The following TENM2 variants were observed in gnomAD, a reference collection of about 807,000 sequenced individuals.
TENM2 encodes teneurin transmembrane protein 2, also known as teneurin-2.
TENM2 carries 52 observed loss-of-function variants against 245.2 expected under a neutral mutation model. That is an observed-to-expected ratio of 0.21 (90% confidence interval 0.17 to 0.27). The LOEUF (loss-of-function observed/expected upper bound fraction) is 0.27, where lower values mean the gene tolerates loss of function less well. Among genes scored for constraint, TENM2 ranks in the 10% least tolerant of loss-of-function variants. The pLI is 1.00. For missense variants in TENM2, 3,046 were observed against 3,666.8 expected, an observed-to-expected ratio of 0.83 and a Z score of 4.37; for synonymous variants, 1,363 against 1,438.9, an observed-to-expected ratio of 0.95 and a Z score of 1.19.
intron 2 of TENM2, among the ~76,000 whole-genome samples, chr5:167,487,360 A>C (rs1768140506): frequency 6.6e-6 from 1 of 151,946 alleles, no homozygotes; most frequent in Non-Finnish European, 1.5e-5. Flanking sequence ...TGTGTATATG[A>C]GTGAGTATGT....
At chr5:167,450,757 C>G (rs1280392401) in intron 2 of TENM2, among the ~76,000 whole-genome samples, 1 of 152,134 alleles carries the variant, frequency 6.6e-6, no homozygotes, top group Admixed American at 6.5e-5. Context: ...CAACTTTCCC[C>G]TCATTCTCAG....
chr5:167,626,580 A>T (rs1778516384), intron 2 of TENM2, among the ~76,000 whole-genome samples: 1 of 152,208 alleles, frequency 6.6e-6, no homozygotes, highest in African/African-American at 2.4e-5. Flanking sequence ...GCCCAGATGT[A>T]CTCAATCATG....
At chr5:167,180,643 C>T in the TENM2 span, among the ~76,000 whole-genome samples, 4 of 152,152 alleles carry the variant, frequency 2.6e-5, no homozygotes, top group African/African-American at 7.2e-5. Flanking sequence ...TGACTGGTAA[C>T]ATCAGTAGTC....
the TENM2 span, among the ~76,000 whole-genome samples, chr5:167,014,031 A>C: frequency 6.6e-6 from 1 of 152,170 alleles, no homozygotes; most frequent in Non-Finnish European, 1.5e-5. Context: ...CACCTAAATG[A>C]ATCAGGATTG....
the TENM2 span, among the ~76,000 whole-genome samples, chr5:167,191,155 T>G: frequency 6.6e-6 from 1 of 152,032 alleles, no homozygotes; most frequent in African/African-American, 2.4e-5. Context: ...TTCAACAAGT[T>G]AATATTATAC....
intron 2 of TENM2, among the ~76,000 whole-genome samples, chr5:167,435,152 A>AT (rs1174719591): frequency 6.9e-6 from 1 of 144,364 alleles, no homozygotes; most frequent in East Asian, 1.9e-4. Flanking sequence ...CAGTAGTTTC[A>AT]TGGGGGGGAA....
intron 4 of TENM2, among the ~76,000 whole-genome samples, chr5:167,989,290 GAGAGAGAGAGAT>G (rs1181949822): frequency 6.6e-6 from 1 of 151,266 alleles, no homozygotes; most frequent in African/African-American, 2.5e-5. Flanking sequence ...GAGAGAGAGA[GAGAGAGAGAGAT>G]AGATAGATTT....
At chr5:167,380,400 G>A (rs985078991) in intron 2 of TENM2, among the ~76,000 whole-genome samples, 8 of 152,110 alleles carry the variant, frequency 5.3e-5, no homozygotes, top group African/African-American at 7.2e-5. Flanking sequence ...AGAGGTTTAC[G>A]TTTTTGGCAA....
chr5:167,507,761 T>C (rs1426742905), intron 2 of TENM2, among the ~76,000 whole-genome samples: 1 of 152,182 alleles, frequency 6.6e-6, no homozygotes, highest in Non-Finnish European at 1.5e-5. Flanking sequence ...AGTATAGTGA[T>C]TTGCCAATAA....
chr5:167,438,641 T>C (rs924065293), intron 2 of TENM2, among the ~76,000 whole-genome samples: 4 of 152,096 alleles, frequency 2.6e-5, no homozygotes, highest in African/African-American at 9.7e-5. Context: ...TCGTGATTCG[T>C]CCGCCTTGGC....
chr5:167,275,549 A>G, the TENM2 span, among the ~76,000 whole-genome samples: 1 of 152,054 alleles, frequency 6.6e-6, no homozygotes, highest in African/African-American at 2.4e-5. Context: ...AGTGTTGGGT[A>G]GTTTGCACCA....
exon 29 of TENM2, chr5:168,262,800 G>T (rs757197277): frequency 1.9e-6 from 3 of 1,599,508 alleles, no homozygotes; most frequent in Non-Finnish European, 2.6e-6. Flanking sequence ...AATGAGATGG[G>T]AAAGAGGTAA....
At chr5:167,931,884 C>T (rs557555316) in intron 3 of TENM2, among the ~76,000 whole-genome samples, 3 of 152,328 alleles carry the variant, frequency 2.0e-5, no homozygotes, top group Non-Finnish European at 2.9e-5. Context: ...ATGAAATCTG[C>T]ATCCCCTCAC....
chr5:167,754,864 G>A (rs1762194263), intron 2 of TENM2: 1 of 610,692 alleles, frequency 1.6e-6, no homozygotes, highest in Non-Finnish European at 2.5e-6. Context: ...AATTCCTCAG[G>A]AACCTCATGC....
At chr5:167,993,111 G>A (rs770309360) in exon 5 of TENM2, 1 of 1,614,046 alleles carries the variant, frequency 6.2e-7, no homozygotes, top group South Asian at 1.1e-5. Context: ...AAATACTGCA[G>A]CTGGAAATGT....
chr5:167,005,587 C>T, the TENM2 span, among the ~76,000 whole-genome samples: 1 of 150,044 alleles, frequency 6.7e-6, no homozygotes, highest in Admixed American at 6.7e-5. Flanking sequence ...AAGGAATCTT[C>T]ACTCATTTTT....
At chr5:167,727,391 C>T (rs946175976) in intron 2 of TENM2, among the ~76,000 whole-genome samples, 6 of 152,166 alleles carry the variant, frequency 3.9e-5, no homozygotes, top group East Asian at 3.9e-4. Context: ...GGATTACAGG[C>T]GTGAGCCACC....
intron 2 of TENM2, among the ~76,000 whole-genome samples, chr5:167,809,797 A>T (rs927686226): frequency 2.0e-5 from 3 of 152,118 alleles, no homozygotes; most frequent in African/African-American, 7.2e-5. Context: ...TGCGATCTTT[A>T]TATGTAGTTT....
intron 4 of TENM2, among the ~76,000 whole-genome samples, chr5:167,954,117 G>A (rs868425664): frequency 2.0e-5 from 3 of 148,086 alleles, no homozygotes; most frequent in Non-Finnish European, 4.4e-5. Flanking sequence ...CAAATACAAA[G>A]GGTGCTGCAT....
Sources: gnomAD v4.1 joint callset for allele counts (sites outside exome capture counted in the v4.1 genomes callset) on GRCh38, gnomAD v4.1.1 for gene constraint, MANE v1.5 for transcripts, NCBI Gene and HGNC (gene_info 2026-07-23, HGNC 2026-07-21) for gene names.